The following DIP2C variants were observed in gnomAD, a reference collection of about 807,000 sequenced individuals.
The protein encoded by DIP2C is DIP2 acetate--CoA ligase C (putative).
Under a neutral mutation model 192.4 loss-of-function variants are expected in DIP2C, and 33 were observed. The observed-to-expected ratio is 0.17, with a 90% CI of 0.13 to 0.23. The LOEUF (loss-of-function observed/expected upper bound fraction) is 0.23, where lower values mean the gene tolerates loss of function less well. Among genes scored for constraint, DIP2C ranks in the 10% least tolerant of loss-of-function variants. The pLI is 1.00. For synonymous variants in DIP2C, 979 were observed against 864.1 expected (o/e 1.13, Z -2.33); for missense variants, 1,537 against 2,110.1 (o/e 0.73, Z 5.32).
At chr10:373,744 A>G (rs908954365) in intron 17 of DIP2C, among the ~76,000 whole-genome samples, 1 of 152,164 alleles carries the variant, frequency 6.6e-6, no homozygotes, top group Non-Finnish European at 1.5e-5. Flanking sequence ...TTGTATCCTG[A>G]GTTAAAAGAA....
intron 1 of DIP2C, among the ~76,000 whole-genome samples, chr10:552,014 G>A (rs1167484685): frequency 6.6e-6 from 1 of 152,224 alleles, no homozygotes; most frequent in African/African-American, 2.4e-5. Flanking sequence ...GGCTTCTCAA[G>A]TCTCTTCTGA....
chr10:341,709 T>TA (rs1464393054), intron 28 of DIP2C, among the ~76,000 whole-genome samples: 1 of 152,152 alleles, frequency 6.6e-6, no homozygotes, highest in Non-Finnish European at 1.5e-5. Flanking sequence ...TTTAAGACAA[T>TA]AAGGCCAAAT....
At chr10:352,790 A>C (rs1164638870) in intron 24 of DIP2C, among the ~76,000 whole-genome samples, 3 of 151,814 alleles carry the variant, frequency 2.0e-5, no homozygotes, top group African/African-American at 7.3e-5. Flanking sequence ...ACCTTTCCCC[A>C]CCCCGTGTGG....
intron 1 of DIP2C, among the ~76,000 whole-genome samples, chr10:684,151 T>C (rs1047898530): frequency 3.3e-5 from 5 of 152,266 alleles, no homozygotes; most frequent in African/African-American, 9.6e-5. Flanking sequence ...ACTATTGTCA[T>C]AACTCTGAAG....
At chr10:584,407 C>G (rs951966038) in intron 1 of DIP2C, among the ~76,000 whole-genome samples, 13 of 151,416 alleles carry the variant, frequency 8.6e-5, no homozygotes, top group African/African-American at 3.2e-4. Flanking sequence ...CGCGCATCAC[C>G]TCTCAATCTC....
At chr10:432,802 C>T (rs1966881840) in intron 4 of DIP2C, among the ~76,000 whole-genome samples, 1 of 152,158 alleles carries the variant, frequency 6.6e-6, no homozygotes, top group Non-Finnish European at 1.5e-5. Flanking sequence ...TCCCTATAAA[C>T]ATTACTTTCA....
Position 689,538 on chromosome 10 carries a change from T to G in DIP2C, c.41A>C (p.Glu14Ala). Residue 14 changes from glutamate (E) to alanine (A), a missense_variant, in exon 1 of 37, where the codon GAG (glutamate) becomes GCG (alanine). Around this residue, in one of 4 missense-constraint regions of DIP2C, gnomAD observed 473 missense variants for 539.6 expected, o/e 0.88. Coordinates refer to ENST00000280886, the MANE Select transcript of DIP2C (RefSeq NM_014974.3). The surrounding 1 kb of genome is among the most constrained non-coding windows in gnomAD (Gnocchi z 6.1). The part of the protein sequence containing the change: ...RSLEGMALPL[E>A]VRARLAELEL... ...CAGCTCGGCCAGGCGCGCCCGCACC[T>G]CCAGGGGCAGCGCCATGCCCTCCAG... The G allele has an allele frequency of 7.7e-7, 1 of 1,298,558 alleles. No homozygotes were observed. The highest frequency in any genetic ancestry group is 9.9e-7 in the Non-Finnish European group (1 of 1,005,518). The allele number at this position is 1,298,558 out of a possible 1,614,324, so 80.4% of individuals were successfully genotyped here.
In DIP2C at chr10:644,201, T is replaced by A. The variant is rs191616686; in HGVS notation, c.85+45293A>T. ...GAGCCCCTCAGGAGAACAGAGAATG[T>A]GCACCTTCTGCAGACCAAGGCAGGT... is the stretch of plus-strand genomic sequence containing the variant. On this transcript the variant is annotated intron_variant, in intron 1 of 36. Coordinates refer to ENST00000280886, the MANE Select transcript of DIP2C (RefSeq NM_014974.3). Among the ~76,000 whole-genome samples, 88 of 152,346 alleles carry A rather than the reference T, an allele frequency of 5.8e-4. 1 individual carries two copies. The East Asian group carries it at 8.9e-3, about 15-fold the overall frequency.
intron 30 of DIP2C, 52 bp downstream of exon 30, chr10:329,377 TAGAA>T (rs1957400947): frequency 9.1e-6 from 14 of 1,535,456 alleles, no homozygotes; most frequent in East Asian, 2.3e-5. Flanking sequence ...TGTGCCTTCT[TAGAA>T]AGGAGTCCCT....
intron 32 of DIP2C, among the ~76,000 whole-genome samples, chr10:301,529 A>G (rs2132267341): frequency 6.6e-6 from 1 of 152,362 alleles, no homozygotes; most frequent in Admixed American, 6.5e-5. Context: ...CGTTACACTG[A>G]CACGGCAAAG....
chr10:279,337 G>C (rs913884270), intron 36 of DIP2C, among the ~76,000 whole-genome samples: 6 of 152,174 alleles, frequency 3.9e-5, no homozygotes, highest in Non-Finnish European at 5.9e-5. Context: ...CATTTGAAAT[G>C]TATGGAATAG....
intron 30 of DIP2C, among the ~76,000 whole-genome samples, chr10:328,845 AGTTACTTGGAGCTAAGG>A (rs1201878183): frequency 6.6e-6 from 1 of 152,224 alleles, no homozygotes; most frequent in East Asian, 1.9e-4. Context: ...ATTCCCTCCT[AGTTACTTGGAGCTAAGG>A]ACTACTTAAT....
At chr10:621,729 C>G (rs756737937) in intron 1 of DIP2C, among the ~76,000 whole-genome samples, 1 of 152,200 alleles carries the variant, frequency 6.6e-6, no homozygotes, top group Non-Finnish European at 1.5e-5. Context: ...CTGCACAGAG[C>G]TGTGATGAGC....
intron 1 of DIP2C, among the ~76,000 whole-genome samples, chr10:628,027 T>G (rs1347200046): frequency 2.0e-5 from 3 of 152,198 alleles, no homozygotes; most frequent in Non-Finnish European, 1.5e-5. Context: ...ACACTCTGGG[T>G]CCAGTTTTCG....
chr10:433,189 T>C (rs954918065), intron 4 of DIP2C, among the ~76,000 whole-genome samples: 57 of 152,208 alleles, frequency 3.7e-4, no homozygotes, highest in African/African-American at 1.3e-3. Flanking sequence ...GATAAAGGGG[T>C]GTTAAAGTCT....
In DIP2C at chr10:522,424, G is replaced by A. The variant is rs775951286; in HGVS notation, c.86-35894C>T. Among the ~76,000 whole-genome samples, 181 of 152,274 alleles carry A rather than the reference G, an allele frequency of 1.2e-3. 2 individuals carry two copies. The highest frequency in any genetic ancestry group is 2.2e-4 in the Non-Finnish European group (15 of 68,054). ...CGCATGGAAGTAAACTTCAGCTCCT[G>A]AGTAAATGTCCAGGACTGTGGTTGC... On this transcript the variant is annotated intron_variant, in intron 1 of 36. Coordinates refer to ENST00000280886, the MANE Select transcript of DIP2C (RefSeq NM_014974.3).
At chr10:683,977 G>A (rs890548277) in intron 1 of DIP2C, among the ~76,000 whole-genome samples, 4 of 152,382 alleles carry the variant, frequency 2.6e-5, no homozygotes, top group East Asian at 1.9e-4. Context: ...CAGAGACGCC[G>A]TCATGGCTCT....
intron 15 of DIP2C, 46 bp from the exon 16 acceptor site, chr10:384,192 C>A: frequency 1.3e-6 from 2 of 1,595,850 alleles, no homozygotes; most frequent in South Asian, 1.1e-5. Context: ...ACCGTCAGAT[C>A]GTCCCCTATT....
intron 6 of DIP2C, among the ~76,000 whole-genome samples, chr10:417,770 G>GTGCCTGTCGGCT (rs1965798743): frequency 1.3e-5 from 1 of 76,922 alleles, no homozygotes; most frequent in Non-Finnish European, 2.9e-5. Context: ...CTGTCCACCT[G>GTGCCTGTCGGCT]CACCTGTCAG....
Sources: allele counts gnomAD v4.1 joint callset (sites outside exome capture counted in the v4.1 genomes callset), GRCh38; gene constraint gnomAD v4.1.1; regional missense constraint gnomAD v4.1.1; non-coding constraint Gnocchi (gnomAD v3.1); transcripts MANE v1.5; gene names NCBI Gene and HGNC (gene_info 2026-07-23, HGNC 2026-07-21).